HIP1: variants seen among roughly 807,000 people sequenced by gnomAD.
HIP1 encodes huntingtin-interacting protein 1.
A neutral mutation model predicts 147.6 loss-of-function variants in HIP1; 65 were observed. The observed-to-expected ratio is 0.44, with a 90% CI of 0.36 to 0.54. The LOEUF is 0.54. HIP1 is among the 20% of genes least tolerant of loss of function. HIP1 has a pLI of 0.00. For synonymous variants in HIP1, 479 were observed against 504.0 expected, an observed-to-expected ratio of 0.95 and a Z score of 0.67; for missense variants, 1,061 against 1,299.6, an observed-to-expected ratio of 0.82 and a Z score of 2.82.
chr7:75,543,010 C>T (rs781814196), intron 27 of HIP1, 36 bp from the exon 28 acceptor site: 2 of 1,587,526 alleles, frequency 1.3e-6, no homozygotes, highest in Non-Finnish European at 1.7e-6. Context: ...TCATACAACA[C>T]CTAGAGCAAC....
intron 27 of HIP1, 24 bp from the exon 28 acceptor site, chr7:75,542,998 G>A: frequency 5.6e-6 from 9 of 1,603,786 alleles, no homozygotes; most frequent in Non-Finnish European, 7.7e-6. Flanking sequence ...GCAGATTTAG[G>A]TTCATACAAC....
chr7:75,726,487 G>T (rs1457470414), intron 1 of HIP1, among the ~76,000 whole-genome samples: 1 of 151,966 alleles, frequency 6.6e-6, no homozygotes, highest in South Asian at 2.1e-4. Context: ...GTTTCACCTT[G>T]TTAGCCAGGC....
chr7:75,656,073 C>T (rs893332497), intron 1 of HIP1, among the ~76,000 whole-genome samples: 3 of 151,896 alleles, frequency 2.0e-5, no homozygotes, highest in Non-Finnish European at 4.4e-5. Flanking sequence ...GAGCCATGGT[C>T]GCGCCACTGC....
chr7:75,594,381 A>G (rs1796612183), intron 2 of HIP1, among the ~76,000 whole-genome samples: 1 of 150,988 alleles, frequency 6.6e-6, no homozygotes, highest in Non-Finnish European at 1.5e-5. Flanking sequence ...ATCTCTCCAC[A>G]CCTTGAATTC....
chr7:75,628,866 G>A (rs1798125789), intron 1 of HIP1, among the ~76,000 whole-genome samples: 1 of 152,180 alleles, frequency 6.6e-6, no homozygotes, highest in African/African-American at 2.4e-5. Context: ...TGGGTCCTCA[G>A]TGTCTGCTGA....
At chr7:75,639,252 G>C in intron 1 of HIP1, 1 of 843,920 alleles carries the variant, frequency 1.2e-6, no homozygotes, top group Non-Finnish European at 1.4e-6. Flanking sequence ...GAAGGGGAGG[G>C]GGAGGGGAGG....
chr7:75,636,385 A>T (rs888965101), intron 1 of HIP1, among the ~76,000 whole-genome samples: 2 of 152,252 alleles, frequency 1.3e-5, no homozygotes, highest in South Asian at 4.1e-4. Flanking sequence ...GAATCAGGTA[A>T]ACTATAATCT....
At chr7:75,625,913 A>C (rs1404640526) in intron 1 of HIP1, 2 of 152,094 alleles carry the variant, frequency 1.3e-5, no homozygotes, top group Non-Finnish European at 2.9e-5. Context: ...TCTTAAAAAA[A>C]AGAGGCTTTG....
chr7:75,538,310 CA>C (rs1794163197), intron 30 of HIP1, 86 bp from the exon 31 acceptor site: 2 of 945,300 alleles, frequency 2.1e-6, no homozygotes, highest in Non-Finnish European at 3.5e-6. Flanking sequence ...CATGGGGGCT[CA>C]AAAATACATT....
intron 16 of HIP1, among the ~76,000 whole-genome samples, chr7:75,557,051 T>G (rs1795035975): frequency 6.6e-6 from 1 of 151,746 alleles, no homozygotes; most frequent in African/African-American, 2.4e-5. Flanking sequence ...TATTTATTTA[T>G]TTTTGAGACG....
Position 75,573,765 on chromosome 7 carries a change from G to A in HIP1, c.741C>T (p.His247=), listed in dbSNP as rs1795734877. Reference sequence around the variant, plus strand: ...GATCTGGCCCGCGGTACTCACAGGAGTGGAGTTTGAAGAGAAGCTTGACAG... The same window carrying A: ...GATCTGGCCCGCGGTACTCACAGGAATGGAGTTTGAAGAGAAGCTTGACAG... The part of the protein sequence containing the change: ...DYTVKLLFKL[H]SCLPADTLQG... The change falls in exon 8 of 31, where the codon CAC becomes CAT. Residue 247 remains histidine, a synonymous_variant. Coordinates refer to ENST00000336926, the MANE Select transcript of HIP1 (RefSeq NM_005338.7). 1.2e-6 allele frequency: 2 copies of A among 1,613,946 alleles called. No individual in the cohort carries two copies. The highest frequency in any genetic ancestry group is 8.5e-7 in the Non-Finnish European group (1 of 1,179,812).
chr7:75,662,324 C>T, intron 1 of HIP1, among the ~76,000 whole-genome samples: 1 of 151,926 alleles, frequency 6.6e-6, no homozygotes, highest in East Asian at 1.9e-4. Context: ...GCTGGGAGTA[C>T]AGACCTGCAC....
intron 1 of HIP1, among the ~76,000 whole-genome samples, chr7:75,666,905 A>G (rs1361896347): frequency 5.9e-5 from 9 of 152,174 alleles, no homozygotes; most frequent in Non-Finnish European, 1.5e-5. Flanking sequence ...CATTTCACAA[A>G]ATCATACTAA....
At chr7:75,559,963 C>A in intron 13 of HIP1, 48 bp from the exon 14 acceptor site, 2 of 1,514,422 alleles carry the variant, frequency 1.3e-6, no homozygotes, top group South Asian at 1.3e-5. Context: ...TGCCACGGGT[C>A]ACGGGCATGG....
At position 75,537,830 on chromosome 7, in the gene HIP1, T is replaced by G. The variant is rs1224517953; in HGVS notation, c.*342A>C. 2.4e-5 allele frequency: 8 copies of G among 335,516 alleles called. No individual in the cohort carries two copies. In the East Asian group the frequency reaches 3.3e-4, roughly 14 times the overall value. The allele number at this position is 335,516 out of a possible 1,614,324, so 20.8% of individuals were successfully genotyped here. A position where few individuals can be genotyped will look rare whatever the true frequency, so the allele number is the denominator to read the frequency against. On this transcript the variant is annotated 3_prime_UTR_variant, in exon 31 of 31. Coordinates refer to ENST00000336926, the MANE Select transcript of HIP1 (RefSeq NM_005338.7). ...CCTCTATTAAGGATACCCATTGTTG[T>G]GGGGGTCAAATAGTCAGCAGGACTG...
At chr7:75,591,339 G>C (rs1554500708) in intron 4 of HIP1, among the ~76,000 whole-genome samples, 1 of 152,090 alleles carries the variant, frequency 6.6e-6, no homozygotes, top group African/African-American at 2.4e-5. Context: ...GGCCAAGAGA[G>C]ATTCTTCAAA....
rs139009004 is a variant in HIP1 at position 75,664,327 on chromosome 7, TGC to T, written c.121-65082_121-65081del. Among the ~76,000 whole-genome samples, 880 of 145,148 alleles carry T rather than the reference TGC, an allele frequency of 6.1e-3. 12 individuals carry two copies. The highest frequency in any genetic ancestry group is 0.021 in the African/African-American group (844 of 39,748). ...ATGTATGTATATGTATACATACACA[TGC>T]ATATATATGTGTGTATGTATACGTA... On this transcript the variant is annotated intron_variant, in intron 1 of 30. Transcript: ENST00000336926.
At chr7:75,703,808 T>G (rs1800910794) in intron 1 of HIP1, among the ~76,000 whole-genome samples, 1 of 152,122 alleles carries the variant, frequency 6.6e-6, no homozygotes, top group Admixed American at 6.5e-5. Context: ...GGCTTCCTAA[T>G]TGCAAATCAA....
intron 7 of HIP1, among the ~76,000 whole-genome samples, chr7:75,574,929 G>A (rs1554497415): frequency 6.6e-6 from 1 of 152,144 alleles, no homozygotes; most frequent in African/African-American, 2.4e-5. Flanking sequence ...TGAGGCCGAG[G>A]TGGGGGGACT....
Sources: gnomAD v4.1 joint callset for allele counts (sites outside exome capture counted in the v4.1 genomes callset) on GRCh38, gnomAD v4.1.1 for gene constraint, MANE v1.5 for transcripts, NCBI Gene and HGNC (gene_info 2026-07-23, HGNC 2026-07-21) for gene names.